The following DNM3 variants were observed in gnomAD, a reference collection of about 807,000 sequenced individuals.
DNM3 encodes dynamin 3, also known as dynamin-3.
Under a neutral mutation model 101.6 loss-of-function variants are expected in DNM3, and 47 were observed. The ratio of observed to expected loss-of-function variants is 0.46; its 90% CI spans 0.37 to 0.59. DNM3 has a LOEUF of 0.59. Ranked by LOEUF, DNM3 falls within the 20% of genes least tolerant of loss-of-function variation. DNM3 has a pLI of 0.00. For missense variants in DNM3, 849 were observed against 1,085.7 expected, an observed-to-expected ratio of 0.78 and a Z score of 3.06; for synonymous variants, 385 against 387.9, an observed-to-expected ratio of 0.99 and a Z score of 0.09.
chr1:172,173,862 T>C (rs1413802176), intron 14 of DNM3, among the ~76,000 whole-genome samples: 3 of 151,666 alleles, frequency 2.0e-5, no homozygotes. Context: ...CATCCCTAAC[T>C]GGAGATCTCT....
At chr1:172,374,220 C>T (rs2068489565) in intron 17 of DNM3, among the ~76,000 whole-genome samples, 1 of 152,074 alleles carries the variant, frequency 6.6e-6, no homozygotes, top group Non-Finnish European at 1.5e-5. Context: ...TTTCCTAAAA[C>T]AGCCTTCAGG....
chr1:172,023,113 T>C (rs1419240340), intron 4 of DNM3, among the ~76,000 whole-genome samples: 1 of 152,162 alleles, frequency 6.6e-6, no homozygotes, highest in African/African-American at 2.4e-5. Context: ...AAAAACATTC[T>C]GGATTAGGTA....
At chr1:172,414,178 A>C (rs2071347039), downstream of DNM3, among the ~76,000 whole-genome samples, 1 of 152,226 alleles carries the variant, frequency 6.6e-6, no homozygotes, top group African/African-American at 2.4e-5. Flanking sequence ...GAGTGACCTC[A>C]AACTTTGCTT....
At chr1:171,874,260 G>T (rs2035558314) in intron 1 of DNM3, among the ~76,000 whole-genome samples, 1 of 151,982 alleles carries the variant, frequency 6.6e-6, no homozygotes, top group Admixed American at 6.6e-5. Context: ...TACATATGTG[G>T]ATATGTGTAG....
intron 1 of DNM3, among the ~76,000 whole-genome samples, 151 bp downstream of exon 1, chr1:171,841,968 G>T (rs2031277099): frequency 1.3e-5 from 2 of 151,452 alleles, no homozygotes; most frequent in South Asian, 4.2e-4. Flanking sequence ...GCAGAGTGGC[G>T]GTGTCCGTGG....
chr1:171,851,951 TTAAATC>T (rs2033029176), intron 1 of DNM3, among the ~76,000 whole-genome samples: 1 of 152,268 alleles, frequency 6.6e-6, no homozygotes, highest in African/African-American at 2.4e-5. Flanking sequence ...CTGATCTAGA[TTAAATC>T]TAATATTACT....
intron 2 of DNM3, among the ~76,000 whole-genome samples, chr1:171,950,983 G>A (rs943226424): frequency 1.3e-5 from 2 of 151,988 alleles, no homozygotes; most frequent in African/African-American, 4.8e-5. Flanking sequence ...TTTTTTGGAT[G>A]GGGAAAGGAG....
chr1:171,841,960 A>T (rs1010963524), intron 1 of DNM3, 143 bp downstream of exon 1: 30 of 342,442 alleles, frequency 8.8e-5, no homozygotes, highest in South Asian at 5.7e-4. Flanking sequence ...AATGGGGGGC[A>T]GAGTGGCGGT....
intron 2 of DNM3, among the ~76,000 whole-genome samples, chr1:171,942,441 C>A (rs2041881282): frequency 6.6e-6 from 1 of 151,928 alleles, no homozygotes; most frequent in Admixed American, 6.6e-5. Flanking sequence ...ACTAACACAA[C>A]CTCAAAGGAA....
chr1:172,129,290 AT>A (rs1356561392), intron 13 of DNM3, among the ~76,000 whole-genome samples: 1 of 152,230 alleles, frequency 6.6e-6, no homozygotes, highest in African/African-American at 2.4e-5. Flanking sequence ...TTCAAGCTTC[AT>A]TGTGAATAAG....
At chr1:171,981,355 C>T (rs929593140) in intron 2 of DNM3, among the ~76,000 whole-genome samples, 1 of 152,192 alleles carries the variant, frequency 6.6e-6, no homozygotes, top group African/African-American at 2.4e-5. Context: ...TAAAGATGGA[C>T]AAGAGATCAT....
At chr1:172,271,234 T>C (rs1314334037) in intron 15 of DNM3, among the ~76,000 whole-genome samples, 1 of 152,108 alleles carries the variant, frequency 6.6e-6, no homozygotes, top group Non-Finnish European at 1.5e-5. Context: ...AACTAGCAAA[T>C]GCTAAAATCA....
intron 2 of DNM3, among the ~76,000 whole-genome samples, chr1:171,981,803 A>G (rs2044818789): frequency 6.6e-6 from 1 of 152,266 alleles, no homozygotes; most frequent in South Asian, 2.1e-4. Context: ...AAATGAAAAC[A>G]GAGAAATTTT....
chr1:172,148,855 A>T (rs573039238), intron 14 of DNM3, among the ~76,000 whole-genome samples: 1 of 152,186 alleles, frequency 6.6e-6, no homozygotes, highest in South Asian at 2.1e-4. Context: ...AGGAATAGAT[A>T]TGTTGTAGCA....
intron 14 of DNM3, among the ~76,000 whole-genome samples, chr1:172,248,394 C>T (rs753228965): frequency 6.6e-6 from 1 of 152,090 alleles, no homozygotes; most frequent in Non-Finnish European, 1.5e-5. Flanking sequence ...AATGTAATAA[C>T]TGTTACATGT....
At chr1:172,017,772 G>T in intron 4 of DNM3, among the ~76,000 whole-genome samples, 1 of 152,034 alleles carries the variant, frequency 6.6e-6, no homozygotes, top group Non-Finnish European at 1.5e-5. Context: ...CTGCTTGCTG[G>T]ATCTATCCAT....
chr1:172,131,536 G>A (rs201270238), intron 14 of DNM3, among the ~76,000 whole-genome samples: 5 of 151,966 alleles, frequency 3.3e-5, no homozygotes, highest in African/African-American at 1.2e-4. Flanking sequence ...CTGAAGAAAT[G>A]GAGGTAGGCA....
At chr1:172,162,491 G>GA (rs1031423902) in intron 14 of DNM3, among the ~76,000 whole-genome samples, 7 of 151,690 alleles carry the variant, frequency 4.6e-5, no homozygotes, top group Non-Finnish European at 1.0e-4. Context: ...ATGGAAAGCA[G>GA]AAAAAAAATA....
At chr1:172,356,831 CT>C (rs1408320176) in intron 17 of DNM3, among the ~76,000 whole-genome samples, 1 of 151,868 alleles carries the variant, frequency 6.6e-6, no homozygotes. Flanking sequence ...GCCAAGGATC[CT>C]TGGAGAAATT....
Sources: allele counts gnomAD v4.1 joint callset (sites outside exome capture counted in the v4.1 genomes callset), GRCh38; gene constraint gnomAD v4.1.1; transcripts MANE v1.5; gene names NCBI Gene and HGNC (gene_info 2026-07-23, HGNC 2026-07-21).